The following TCERG1L variants were observed in gnomAD, a reference collection of about 807,000 sequenced individuals.
TCERG1L encodes the protein transcription elongation regulator 1 like, also known as transcription elongation regulator 1-like protein.
A neutral mutation model predicts 56.3 loss-of-function variants in TCERG1L; 37 were observed. The observed-to-expected ratio is 0.66, with a 90% confidence interval of 0.51 to 0.87. The LOEUF is 0.87. Ranked by LOEUF, TCERG1L falls within the 40% of genes least tolerant of loss-of-function variation. TCERG1L has a pLI of 0.00. For missense variants in TCERG1L, 799 were observed against 774.2 expected, an observed-to-expected ratio of 1.03 and a Z score of -0.38; for synonymous variants, 324 against 326.3, an observed-to-expected ratio of 0.99 and a Z score of 0.08.
chr10:131,278,208 T>C (rs1177647363), intron 3 of TCERG1L, among the ~76,000 whole-genome samples: 1 of 151,920 alleles, frequency 6.6e-6, no homozygotes, highest in African/African-American at 2.4e-5. Flanking sequence ...AGTCGCATCC[T>C]CTCCTGGATC....
At chr10:131,129,467 CGTGGAGGCGAACT>C (rs1338285577) in intron 8 of TCERG1L, among the ~76,000 whole-genome samples, 2 of 152,168 alleles carry the variant, frequency 1.3e-5, no homozygotes, top group African/African-American at 4.8e-5. Context: ...GAAATGAATG[CGTGGAGGCGAACT>C]GTGTTATTCC....
intron 6 of TCERG1L, among the ~76,000 whole-genome samples, chr10:131,148,416 ATG>A (rs1260049354): frequency 2.0e-5 from 3 of 150,100 alleles, no homozygotes; most frequent in African/African-American, 7.3e-5. Context: ...AGAGACACAC[ATG>A]CACACAGAGA....
chr10:131,129,808 A>T (rs1381076207), intron 8 of TCERG1L, among the ~76,000 whole-genome samples: 2 of 152,186 alleles, frequency 1.3e-5, no homozygotes, highest in South Asian at 4.1e-4. Flanking sequence ...TAATTGACTC[A>T]CAGTTGCGCA....
At chr10:131,171,179 C>CAAAAAA (rs761036607) in intron 4 of TCERG1L, among the ~76,000 whole-genome samples, 150 of 98,568 alleles carry the variant, frequency 1.5e-3, no homozygotes, top group South Asian at 4.3e-3. Flanking sequence ...AAACACACAC[C>CAAAAAA]AAAAAAAAGA....
At chr10:131,168,353 T>A (rs973165643) in intron 4 of TCERG1L, among the ~76,000 whole-genome samples, 4 of 152,184 alleles carry the variant, frequency 2.6e-5, no homozygotes, top group Non-Finnish European at 5.9e-5. Flanking sequence ...GAGATTTGCA[T>A]AGCTCTGCAT....
intron 7 of TCERG1L, among the ~76,000 whole-genome samples, chr10:131,141,949 C>A (rs997400914): frequency 1.3e-5 from 2 of 152,298 alleles, no homozygotes; most frequent in Admixed American, 1.3e-4. Context: ...TTCCCTTGCA[C>A]CGGCTGCCCT....
chr10:131,247,106 C>T (rs1410284633), intron 4 of TCERG1L, among the ~76,000 whole-genome samples: 1 of 151,942 alleles, frequency 6.6e-6, no homozygotes. Flanking sequence ...GCCCAGGTGC[C>T]ACAGTGCCAT....
At chr10:131,286,938 G>C (rs554457609) in intron 3 of TCERG1L, among the ~76,000 whole-genome samples, 1 of 152,304 alleles carries the variant, frequency 6.6e-6, no homozygotes, top group South Asian at 2.1e-4. Context: ...GCGAATATCA[G>C]ATATACACTG....
At chr10:131,237,732 G>A (rs1466172361) in intron 4 of TCERG1L, among the ~76,000 whole-genome samples, 1 of 152,134 alleles carries the variant, frequency 6.6e-6, no homozygotes, top group African/African-American at 2.4e-5. Context: ...GCATCGGCGG[G>A]GTGGAAAATG....
chr10:131,164,264 T>C (rs1846008781), intron 5 of TCERG1L: 1 of 151,532 alleles, frequency 6.6e-6, no homozygotes, highest in Non-Finnish European at 1.5e-5. Context: ...TCATTAAGAA[T>C]AAAATTTGGA....
chr10:131,217,155 G>A (rs922630420), intron 4 of TCERG1L, among the ~76,000 whole-genome samples: 25 of 152,176 alleles, frequency 1.6e-4, no homozygotes, highest in Admixed American at 1.5e-3. Flanking sequence ...CCTGGTGGGA[G>A]GTGATGGGAT....
chr10:131,216,888 G>A (rs527564679), intron 4 of TCERG1L, among the ~76,000 whole-genome samples: 12 of 152,278 alleles, frequency 7.9e-5, no homozygotes, highest in Admixed American at 3.3e-4. Context: ...AAGAGACCGC[G>A]GGGTGGTTCC....
At position 131,093,278 on chromosome 10, in the gene TCERG1L, G is replaced by A; in HGVS notation, c.1645C>T (p.Gln549Ter). ...CTTTTTTGAACAAGTCGGAACCTCT[G>A]ATCCCGGCCGTATTTCTCTGCAAAC... ...KEFAEKYGRD[Q>*]RFRLVQKRKD... is the part of the protein sequence containing the mutation. Residue 549 changes from glutamine (Q) to a stop codon, truncating the protein, a stop_gained, in exon 12 of 12, where the codon CAG becomes TAG. Transcript: ENST00000368642. LOFTEE classifies it high-confidence loss of function. The A allele has an allele frequency of 1.2e-6, 2 of 1,613,920 alleles. No individual in the cohort carries two copies. The highest frequency in any genetic ancestry group is 1.7e-6 in the Non-Finnish European group (2 of 1,179,856).
chr10:131,231,495 C>T (rs886262447), intron 4 of TCERG1L, among the ~76,000 whole-genome samples: 1 of 152,178 alleles, frequency 6.6e-6, no homozygotes, highest in African/African-American at 2.4e-5. Context: ...GCTGCCGTGG[C>T]ACTGCCTGCA....
chr10:131,222,799 C>T (rs1249733096), intron 4 of TCERG1L, among the ~76,000 whole-genome samples: 2 of 152,184 alleles, frequency 1.3e-5, no homozygotes, highest in African/African-American at 2.4e-5. Context: ...GGCCCCTTCC[C>T]AAGCCACCGC....
intron 4 of TCERG1L, among the ~76,000 whole-genome samples, chr10:131,201,721 A>T (rs1345799074): frequency 1.3e-5 from 2 of 152,056 alleles, no homozygotes; most frequent in Non-Finnish European, 1.5e-5. Flanking sequence ...TAATCTCCGA[A>T]TTTTACACTG....
At chr10:131,139,040 C>A (rs2133408338) in intron 7 of TCERG1L, among the ~76,000 whole-genome samples, 1 of 152,322 alleles carries the variant, frequency 6.6e-6, no homozygotes, top group Non-Finnish European at 1.5e-5. Flanking sequence ...AAAAACTGTT[C>A]AATTTCACTC....
At chr10:131,182,430 T>C (rs1845190683) in intron 4 of TCERG1L, among the ~76,000 whole-genome samples, 1 of 152,264 alleles carries the variant, frequency 6.6e-6, no homozygotes, top group South Asian at 2.1e-4. Flanking sequence ...TAAACATTTA[T>C]TTAAAACATC....
At chr10:131,224,430 A>G (rs542267646) in intron 4 of TCERG1L, among the ~76,000 whole-genome samples, 1 of 152,256 alleles carries the variant, frequency 6.6e-6, no homozygotes, top group East Asian at 1.9e-4. Context: ...TTTACCCACT[A>G]AAGTAGCTTT....
Sources: allele counts gnomAD v4.1 joint callset (sites outside exome capture counted in the v4.1 genomes callset), GRCh38; gene constraint gnomAD v4.1.1; transcripts MANE v1.5; gene names NCBI Gene and HGNC (gene_info 2026-07-23, HGNC 2026-07-21).